The following MTCL1 variants were observed in gnomAD, a reference collection of about 807,000 sequenced individuals.
MTCL1 encodes the protein microtubule cross-linking factor 1.
In MTCL1, 79 loss-of-function variants were observed where a neutral mutation model predicts 141.4. That is an observed-to-expected ratio of 0.56 (90% confidence interval 0.47 to 0.67). The LOEUF (loss-of-function observed/expected upper bound fraction) is 0.67, where lower values mean the gene tolerates loss of function less well. Among genes scored for constraint, MTCL1 ranks in the 30% least tolerant of loss-of-function variants. The probability of loss-of-function intolerance (pLI) is 0.00; values close to 1 mark genes in which losing one functional copy is unlikely to be tolerated. For missense variants in MTCL1, 2,177 were observed against 2,113.9 expected, an observed-to-expected ratio of 1.03 and a Z score of -0.59; for synonymous variants, 914 against 875.8, an observed-to-expected ratio of 1.04 and a Z score of -0.77.
chr18:8,825,019 G>A, exon 15 of MTCL1: 1 of 1,613,148 alleles, frequency 6.2e-7, no homozygotes, highest in Non-Finnish European at 8.5e-7. Flanking sequence ...ACCATGACCA[G>A]CCCAGAGCAC....
chr18:8,712,529 C>T (rs77599012), upstream of MTCL1, among the ~76,000 whole-genome samples: 4,771 of 152,324 alleles, frequency 0.031, 122 homozygotes, highest in Non-Finnish European at 0.048. Context: ...CCCGCCTCCT[C>T]CTCCTTTCTC....
At chr18:8,832,060 T>C (rs1161498007) in exon 17 of MTCL1, 1 of 533,104 alleles carries the variant, frequency 1.9e-6, no homozygotes, top group East Asian at 3.2e-5. Flanking sequence ...TTACACACAG[T>C]ATATTAAACG....
intron 4 of MTCL1, among the ~76,000 whole-genome samples, chr18:8,764,370 T>G (rs1402043582): frequency 6.6e-6 from 1 of 151,936 alleles, no homozygotes; most frequent in African/African-American, 2.4e-5. Flanking sequence ...CAGGCTGAAG[T>G]GCGGTGGTGC....
intron 4 of MTCL1, among the ~76,000 whole-genome samples, chr18:8,766,958 G>A (rs930583110): frequency 6.6e-6 from 1 of 152,188 alleles, no homozygotes; most frequent in East Asian, 1.9e-4. Context: ...AGCCCCTTCC[G>A]CAGCCTCAGA....
At chr18:8,786,120 C>CCAA (rs775582104) in intron 7 of MTCL1, 29 bp downstream of exon 6, 5 of 1,345,740 alleles carry the variant, frequency 3.7e-6, no homozygotes, top group Non-Finnish European at 3.9e-6. Context: ...TCCCCCCCCC[C>CCAA]CGCCCTCCCC....
In MTCL1 at chr18:8,785,826, T is replaced by C. The variant is rs2096551297; in HGVS notation, c.1732-110T>C. ...CTCAGTCGTCTCCCTTGTCCATTTT[T>C]GTTTTCTTTATCCCCCCTCCCTGCC... On this transcript the variant is annotated intron_variant, in intron 6 of 16. Transcript: ENST00000359865. 4 of 1,347,620 alleles carry C rather than the reference T, an allele frequency of 3.0e-6. No homozygotes were observed. In the East Asian group the frequency reaches 9.6e-5, roughly 32 times the overall value. The allele number at this position is 1,347,620 out of a possible 1,614,324, so 83.5% of individuals were successfully genotyped here.
intron 11 of MTCL1, chr18:8,809,736 G>T: frequency 1.1e-6 from 1 of 951,366 alleles, no homozygotes; most frequent in Non-Finnish European, 1.5e-6. Flanking sequence ...GTGCCTGGGC[G>T]ATGGGCCATC....
chr18:8,745,699 G>A (rs1009769444), intron 4 of MTCL1, among the ~76,000 whole-genome samples: 3 of 152,172 alleles, frequency 2.0e-5, no homozygotes, highest in Non-Finnish European at 2.9e-5. Context: ...ATGTGCACAT[G>A]TTCAACTTTT....
At chr18:8,829,460 T>A (rs1265732793) in intron 16 of MTCL1, 2 of 965,288 alleles carry the variant, frequency 2.1e-6, no homozygotes. Context: ...CAAATATATC[T>A]TGTCCTTCCA....
At chr18:8,820,267 A>G (rs1568099459) in intron 13 of MTCL1, among the ~76,000 whole-genome samples, 1 of 152,016 alleles carries the variant, frequency 6.6e-6, no homozygotes, top group Non-Finnish European at 1.5e-5. Flanking sequence ...AAAATTAGCC[A>G]GGCGTGGTGG....
intron 10 of MTCL1, among the ~76,000 whole-genome samples, chr18:8,801,425 T>G (rs2076119121): frequency 6.6e-6 from 1 of 152,012 alleles, no homozygotes; most frequent in South Asian, 2.1e-4. Context: ...CTGGGAGGCC[T>G]CCCCTATAAG....
At chr18:8,706,166 C>T in exon 1 of MTCL1, 1 of 1,222,078 alleles carries the variant, frequency 8.2e-7, no homozygotes, top group Non-Finnish European at 1.0e-6. Context: ...TCCCGGGCGC[C>T]ACCCGCCCGC....
chr18:8,785,179 C>G (rs1038931088), intron 6 of MTCL1, among the ~76,000 whole-genome samples: 1 of 152,182 alleles, frequency 6.6e-6, no homozygotes, highest in Admixed American at 6.5e-5. Context: ...GGCCTTGCTC[C>G]TCTCTTGGTA....
In MTCL1 at chr18:8,828,813, G is replaced by A. The variant is rs891264735; in HGVS notation, c.4723-95G>A. 2.8e-5 allele frequency: 44 copies of A among 1,587,340 alleles called. No homozygotes were observed. Among genetic ancestry groups the A allele is most frequent in the Admixed American group, 1.8e-4 (10 of 57,086 alleles). On this transcript the variant is annotated intron_variant, in intron 15 of 16. Coordinates refer to ENST00000359865, the Ensembl canonical transcript of MTCL1. The surrounding 1 kb of genome is among the most constrained non-coding windows in gnomAD (Gnocchi z 5.2). ...GCGAGAGGGATGGTCCTCTACCTCC[G>A]GGCTTGCTGACTTTAAACCTTTATT...
chr18:8,731,138 G>A lies in MTCL1; in HGVS notation c.357+10642G>A, dbSNP rs1437222103. 3.3e-5 allele frequency among the ~76,000 whole-genome samples: 5 copies of A among 152,056 alleles called. No individual in the cohort carries two copies. The East Asian group carries it at 7.7e-4, about 24-fold the overall frequency. On this transcript the variant is annotated intron_variant, in intron 4 of 16. Transcript: ENST00000359865. ...CGGGCGCCTGTAGTCATAGCTACTC[G>A]GGAGGCTGAGGCAGGAGAATGGCGT... is the stretch of plus-strand genomic sequence containing the variant.
Position 8,830,383 on chromosome 18 carries a change from A to C in MTCL1, c.*19-1224A>C. On this transcript the variant is annotated intron_variant, in intron 16 of 16. Coordinates refer to ENST00000359865, the Ensembl canonical transcript of MTCL1. This position sits in a 1 kb window ranked among gnomAD's most constrained non-coding sequence, Gnocchi z 6.4. ...CCACTGTTCCTTTTCTGCTGACCCC[A>C]GAGGGAGGCAGGGAAACCGCTCGCC... 1 of 985,556 alleles carries C rather than the reference A, an allele frequency of 1.0e-6. No homozygotes were observed. Among genetic ancestry groups the C allele is most frequent in the Non-Finnish European group, 1.2e-6 (1 of 830,024 alleles). The allele number at this position is 985,556 out of a possible 1,614,324, so 61.1% of individuals were successfully genotyped here.
Position 8,821,100 on chromosome 18 carries a change from C to T in MTCL1, c.3157-367C>T, listed in dbSNP as rs145009801. Among the ~76,000 whole-genome samples the T allele has an allele frequency of 1.4e-3, 206 of 152,314 alleles. 1 individual carries two copies. Among genetic ancestry groups the T allele is most frequent in the African/African-American group, 4.8e-3 (201 of 41,570 alleles). ...ACATGCACACTCTCTCTCTCTCTCT[C>T]AGTCTCACTCTCACACTTAGGTTGT... On this transcript the variant is annotated intron_variant, in intron 13 of 16. Transcript: ENST00000359865.
chr18:8,831,553 C>T, intron 16 of MTCL1, 54 bp from the exon 15 acceptor site: 2 of 1,535,882 alleles, frequency 1.3e-6, no homozygotes, highest in Non-Finnish European at 1.8e-6. Flanking sequence ...GGGAATCATC[C>T]ACTGGTGACA....
At chr18:8,718,002 A>G in intron 2 of MTCL1, 6 of 1,020,788 alleles carry the variant, frequency 5.9e-6, no homozygotes, top group Non-Finnish European at 7.1e-6. Flanking sequence ...TTGTTATCCT[A>G]CTGAAGTTTA....
Sources: gnomAD v4.1 joint callset for allele counts (sites outside exome capture counted in the v4.1 genomes callset) on GRCh38, gnomAD v4.1.1 for gene constraint, Gnocchi (gnomAD v3.1) non-coding constraint, MANE v1.5 for transcripts, NCBI Gene and HGNC (gene_info 2026-07-23, HGNC 2026-07-21) for gene names.